Variants in PRORP observed in about 807,000 individuals in gnomAD.
The protein encoded by PRORP is protein only RNase P catalytic subunit.
In PRORP, 51 loss-of-function variants were observed where a neutral mutation model predicts 59.4. That is an observed-to-expected ratio of 0.86 (90% CI 0.69 to 1.08). The LOEUF is 1.08. Ranked by LOEUF, PRORP falls within the 50% of genes least tolerant of loss-of-function variation. The pLI is 0.00. For synonymous variants in PRORP, 231 were observed against 245.6 expected (o/e 0.94, Z 0.55); for missense variants, 646 against 690.3 (o/e 0.94, Z 0.72).
At chr14:35,161,308 A>T (rs1397704289) in intron 4 of PRORP, among the ~76,000 whole-genome samples, 1 of 152,138 alleles carries the variant, frequency 6.6e-6, no homozygotes, top group African/African-American at 2.4e-5. Flanking sequence ...TAATAACCCC[A>T]CTTTATTCCT....
chr14:35,255,078 T>TA (rs752024758), intron 5 of PRORP, among the ~76,000 whole-genome samples: 5 of 152,162 alleles, frequency 3.3e-5, no homozygotes, highest in Non-Finnish European at 5.9e-5. Flanking sequence ...TACATTATAT[T>TA]ATATTAATTT....
intron 4 of PRORP, among the ~76,000 whole-genome samples, chr14:35,141,796 A>C (rs999928501): frequency 1.4e-5 from 2 of 144,540 alleles, no homozygotes; most frequent in Non-Finnish European, 3.1e-5. Context: ...GGCTCACTGC[A>C]GCTGAGACCT....
chr14:35,253,355 G>C (rs373921347), intron 5 of PRORP, among the ~76,000 whole-genome samples: 1 of 112,960 alleles, frequency 8.9e-6, no homozygotes, highest in Admixed American at 8.4e-5. Context: ...GAGAGAGAGA[G>C]AGAAAGAAAG....
chr14:35,180,659 T>C lies in PRORP; in HGVS notation c.1168-11T>C. 1 of 1,536,374 alleles carries C rather than the reference T, an allele frequency of 6.5e-7. No individual in the cohort carries two copies. Among genetic ancestry groups the C allele is most frequent in the Non-Finnish European group, 9.0e-7 (1 of 1,111,886 alleles). ...TTCTTATTAATGTTTTGTCTGACAT[T>C]TCTTTATTAGGAACTTAAGAGATTT... On this transcript the variant is annotated splice_polypyrimidine_tract_variant and intron_variant, in intron 4 of 7. Coordinates refer to ENST00000534898, the MANE Select transcript of PRORP (RefSeq NM_014672.4).
chr14:35,129,001 G>A (rs571021123), intron 4 of PRORP, among the ~76,000 whole-genome samples: 3 of 151,186 alleles, frequency 2.0e-5, no homozygotes, highest in Admixed American at 6.6e-5. Flanking sequence ...GTTCGAGACC[G>A]GCCTGGCTAA....
In PRORP at chr14:35,234,295, G is replaced by T. The variant is rs74660260; in HGVS notation, c.1276-32432G>T. On this transcript the variant is annotated intron_variant, in intron 5 of 7. Transcript: ENST00000534898. ...GTGTTTCACATTCATTAACAATTAG[G>T]CCCAAGGATACTTGGATTCGCATCT... 3.1e-3 allele frequency among the ~76,000 whole-genome samples: 466 copies of T among 152,228 alleles called. 4 individuals are homozygous for T. The highest frequency in any genetic ancestry group is 9.6e-3 in the African/African-American group (400 of 41,532).
At chr14:35,255,218 C>T (rs949053859) in intron 5 of PRORP, among the ~76,000 whole-genome samples, 2 of 152,154 alleles carry the variant, frequency 1.3e-5, no homozygotes. Flanking sequence ...ACCTCTGTCT[C>T]CTGGGTTCGA....
chr14:35,209,431 A>G (rs2049380321), intron 5 of PRORP, among the ~76,000 whole-genome samples: 1 of 152,230 alleles, frequency 6.6e-6, no homozygotes, highest in Non-Finnish European at 1.5e-5. Flanking sequence ...AGAAGTAGTG[A>G]TGTTCATCAC....
At chr14:35,129,060 T>C (rs1332727335) in intron 4 of PRORP, among the ~76,000 whole-genome samples, 5 of 149,816 alleles carry the variant, frequency 3.3e-5, no homozygotes. Flanking sequence ...AAAAAAAAAT[T>C]AGCTGGGCAT....
At chr14:35,225,182 T>C (rs1183038218) in intron 5 of PRORP, among the ~76,000 whole-genome samples, 1 of 152,208 alleles carries the variant, frequency 6.6e-6, no homozygotes, top group Non-Finnish European at 1.5e-5. Context: ...ACTTACCACA[T>C]ACATGTATTT....
At chr14:35,126,655 A>C (rs1164739715) in intron 2 of PRORP, 80 bp from the exon 3 acceptor site, 1 of 1,084,466 alleles carries the variant, frequency 9.2e-7, no homozygotes, top group African/African-American at 1.6e-5. Context: ...TGCTTATAAG[A>C]GTTTCCAAAT....
At chr14:35,124,386 G>A (rs901882800) in intron 2 of PRORP, 155 bp downstream of exon 2, 1 of 443,926 alleles carries the variant, frequency 2.3e-6, no homozygotes, top group African/African-American at 2.0e-5. Flanking sequence ...TCTCGCTTCA[G>A]TCTCCTCAGT....
At chr14:35,134,959 C>T (rs778704032) in intron 4 of PRORP, among the ~76,000 whole-genome samples, 2 of 152,174 alleles carry the variant, frequency 1.3e-5, no homozygotes, top group Non-Finnish European at 2.9e-5. Flanking sequence ...CCAGTTTCAA[C>T]CACTGGGATG....
intron 5 of PRORP, among the ~76,000 whole-genome samples, chr14:35,202,283 A>G (rs2049176101): frequency 6.6e-6 from 1 of 152,136 alleles, no homozygotes; most frequent in South Asian, 2.1e-4. Flanking sequence ...AAAAGCTAAA[A>G]AACATGATAA....
At chr14:35,142,248 C>G (rs1261016995) in intron 4 of PRORP, among the ~76,000 whole-genome samples, 2 of 143,184 alleles carry the variant, frequency 1.4e-5, no homozygotes, top group Admixed American at 7.4e-5. Context: ...CTCCTGGGCT[C>G]AAGCATTCCT....
chr14:35,250,245 A>G (rs573917073), intron 5 of PRORP, among the ~76,000 whole-genome samples: 28 of 151,154 alleles, frequency 1.9e-4, no homozygotes, highest in African/African-American at 5.1e-4. Context: ...AAAAAAAAAG[A>G]AAAAAAAAGA....
rs147065101 is a variant in PRORP, at chr14:35,180,763, C to T, written c.1261C>T (p.Arg421Cys). The T allele has an allele frequency of 1.1e-4, 183 of 1,600,534 alleles. No homozygotes were observed. Among genetic ancestry groups the T allele is most frequent in the Admixed American group, 3.7e-4 (22 of 59,840 alleles). ...TGTTGCCAAAATGTTTCCTAAAGTT[C>T]GTGAATCTCAACTTGTAAGTATAAG... ...LNVAKMFPKV[R>C]ESQLLLNVVS... Residue 421 changes from arginine to cysteine, a missense_variant, in exon 5 of 8, where the codon CGT becomes TGT. Arg to Cys is a radical substitution (Grantham distance 180). Transcript: ENST00000534898.
intron 5 of PRORP, among the ~76,000 whole-genome samples, chr14:35,254,687 C>T (rs1348530360): frequency 6.6e-6 from 1 of 152,132 alleles, no homozygotes; most frequent in African/African-American, 2.4e-5. Context: ...CCACCGCGCC[C>T]AGCCCACTCT....
chr14:35,155,641 A>T (rs1030861255), intron 4 of PRORP, among the ~76,000 whole-genome samples: 1 of 151,488 alleles, frequency 6.6e-6, no homozygotes, highest in Non-Finnish European at 1.5e-5. Context: ...ATTATAAAAC[A>T]GTGCTTTCTT....
Sources: gnomAD v4.1 joint callset for allele counts (sites outside exome capture counted in the v4.1 genomes callset) on GRCh38, gnomAD v4.1.1 for gene constraint, MANE v1.5 for transcripts, NCBI Gene and HGNC (gene_info 2026-07-23, HGNC 2026-07-21) for gene names.